Variants in F8 observed in about 807,000 individuals in gnomAD.
F8 encodes the protein antihemophilic factor.
In F8, 12 loss-of-function variants were observed where a neutral mutation model predicts 140.6. The ratio of observed to expected loss-of-function variants is 0.09; its 90% confidence interval spans 0.05 to 0.14. The LOEUF is 0.14. Ranked by LOEUF, F8 falls within the 10% of genes least tolerant of loss-of-function variation. The pLI is 1.00. For missense variants in F8, 1,354 were observed against 1,720.7 expected, an observed-to-expected ratio of 0.79 and a Z score of 3.77; for synonymous variants, 585 against 614.6, an observed-to-expected ratio of 0.95 and a Z score of 0.71.
chrX:154,929,602 A>G lies in F8; in HGVS notation c.4188T>C (p.Ser1396=). ...ATCTATTTGCTTGAGGGATGCTATG[A>G]CTCCTCGTAAGGCAATCTGATAAGG... The part of the protein sequence containing the change: ...QSPLSDCLTR[S]HSIPQANRSP... The change falls in exon 14 of 26, where the codon AGT becomes AGC. Residue 1396 remains serine (S), a synonymous_variant. Transcript: ENST00000360256. The G allele has an allele frequency of 8.3e-7, 1 of 1,209,978 alleles. No individual in the cohort carries two copies. Among genetic ancestry groups the G allele is most frequent in the African/African-American group, 1.7e-5 (1 of 57,388 alleles).
intron 25 of F8, among the ~76,000 whole-genome samples, chrX:154,857,274 G>T (rs1304372792): frequency 9.0e-5 from 10 of 111,667 alleles, no homozygotes; most frequent in African/African-American, 3.3e-4. Flanking sequence ...CATAAAGTTG[G>T]GTATGAACAA....
intron 9 of F8, 190 bp downstream of exon 9, chrX:154,965,780 G>A: frequency 2.3e-6 from 1 of 432,931 alleles, no homozygotes; most frequent in Middle Eastern, 6.4e-4. Flanking sequence ...AGTTTAGTGG[G>A]TGACATTAAA....
chrX:154,865,962 A>G (rs926040979), intron 22 of F8, among the ~76,000 whole-genome samples: 1 of 111,287 alleles, frequency 9.0e-6, no homozygotes, highest in East Asian at 2.8e-4. Context: ...GGAAGTAAGA[A>G]ACAAAAATAA....
chrX:154,928,559 A>G lies in F8; in HGVS notation c.5219+12T>C, dbSNP rs190152270. 1.4e-4 allele frequency: 170 copies of G among 1,173,935 alleles called. 1 individual carries two copies. The African/African-American group carries it at 2.9e-3, about 20-fold the overall frequency. On this transcript the variant is annotated intron_variant, in intron 14 of 25. Transcript: ENST00000360256. ...CAAGAGCAGAGCAAAGGAATAACCA[A>G]TGCATTCATACCTGTTTCTTAGAAC...
At chrX:154,848,050 G>A (rs1268000999) in intron 25 of F8, among the ~76,000 whole-genome samples, 5 of 112,468 alleles carry the variant, frequency 4.4e-5, no homozygotes, top group East Asian at 2.8e-4. Context: ...CTGGAGGTCC[G>A]CTCCAGACCC....
chrX:154,969,288 A>G, intron 7 of F8, 43 bp downstream of exon 7: 4 of 1,101,253 alleles, frequency 3.6e-6, no homozygotes, highest in Non-Finnish European at 5.0e-6. Context: ...TAAAAGTAGG[A>G]CTGGATATTT....
chrX:154,880,602 C>T (rs1351647433), intron 22 of F8, among the ~76,000 whole-genome samples: 1 of 112,212 alleles, frequency 8.9e-6, no homozygotes, highest in Non-Finnish European at 1.9e-5. Flanking sequence ...CTTGAGTCTT[C>T]GTATTTCTTA....
intron 6 of F8, among the ~76,000 whole-genome samples, chrX:154,983,474 G>C (rs1406057831): frequency 8.9e-6 from 1 of 111,887 alleles, no homozygotes; most frequent in Non-Finnish European, 1.9e-5. Context: ...GGTTACCATA[G>C]TCTGGGGTGG....
intron 1 of F8, among the ~76,000 whole-genome samples, chrX:155,007,752 A>G (rs782311238): frequency 8.9e-6 from 1 of 112,346 alleles, no homozygotes; most frequent in East Asian, 2.8e-4. Flanking sequence ...GCATGATCTG[A>G]GGCGGACAGT....
chrX:154,874,639 CAT>C (rs1428165836), intron 22 of F8, among the ~76,000 whole-genome samples: 1 of 112,156 alleles, frequency 8.9e-6, no homozygotes, highest in East Asian at 2.8e-4. Flanking sequence ...GTTTCCAACA[CAT>C]GTTTTTTGGG....
intron 14 of F8, among the ~76,000 whole-genome samples, chrX:154,913,482 C>T (rs782570039): frequency 3.6e-5 from 4 of 111,970 alleles, no homozygotes; most frequent in African/African-American, 1.3e-4. Flanking sequence ...TCCAAAGTCT[C>T]ATCTGAGACA....
rs781927234 is a variant in F8 at position 154,929,805 on chromosome X, G to A, written c.3985C>T (p.Arg1329Cys). The A allele has an allele frequency of 5.7e-5, 69 of 1,209,705 alleles. 1 individual carries two copies. Among genetic ancestry groups the A allele is most frequent in the Non-Finnish European group, 6.7e-5 (60 of 894,994 alleles). ...AATTGTTTCAAAGCTCTCTTACTAC[G>A]TTGCGTGACAAAATTCTGCTGGCTT... Reference protein sequence around the residue: ...NTSQQNFVTQRSKRALKQFRL... With the variant: ...NTSQQNFVTQCSKRALKQFRL... The change falls in exon 14 of 26, where the codon CGT becomes TGT. Residue 1329 changes from arginine to cysteine, a missense_variant. Physicochemically the swap from Arg to Cys is radical, Grantham distance 180. This residue lies in a region of F8 where 658 missense variants were observed against 666.5 expected (regional missense o/e 0.99). Transcript: ENST00000360256.
At chrX:154,856,042 C>T (rs2072649157) in intron 25 of F8, among the ~76,000 whole-genome samples, 1 of 111,972 alleles carries the variant, frequency 8.9e-6, no homozygotes, top group Admixed American at 9.5e-5. Flanking sequence ...TTAGGAAGGC[C>T]TCTAACAGTT....
At chrX:154,933,178 G>A (rs189731675) in intron 13 of F8, among the ~76,000 whole-genome samples, 122 of 111,525 alleles carry the variant, frequency 1.1e-3, no homozygotes, top group Middle Eastern at 4.7e-3. Flanking sequence ...AGAACTTAGA[G>A]TTGGTTGTTT....
chrX:154,891,779 A>G (rs1457185531), intron 22 of F8, among the ~76,000 whole-genome samples: 1 of 112,463 alleles, frequency 8.9e-6, no homozygotes, highest in Non-Finnish European at 1.9e-5. Flanking sequence ...CAACAGAGAT[A>G]TGATATCTGG....
chrX:154,994,701 G>A (rs1390671672), intron 3 of F8, among the ~76,000 whole-genome samples: 5 of 111,705 alleles, frequency 4.5e-5, no homozygotes, highest in African/African-American at 1.6e-4. Flanking sequence ...GATAATATCT[G>A]GCCATCCCAT....
rs1426886242 is a variant in F8 at position 154,837,157 on chromosome X, A to G, written c.*440T>C. ...TGAAACATGCTTTGTTCCATGCTTGATCAGGATAATAAACAACTGAGAGTT... is the reference window on the plus strand; with the variant it reads ...TGAAACATGCTTTGTTCCATGCTTGGTCAGGATAATAAACAACTGAGAGTT... On this transcript the variant is annotated 3_prime_UTR_variant, in exon 26 of 26. Transcript: ENST00000360256. The G allele has an allele frequency of 1.8e-5, 3 of 162,235 alleles. No individual in the cohort carries two copies. The highest frequency in any genetic ancestry group is 7.3e-5 in the Admixed American group (1 of 13,691). The allele number at this position is 162,235 out of a possible 1,213,427, so 13.4% of individuals were successfully genotyped here.
At chrX:154,981,338 A>G (rs7056252) in intron 6 of F8, among the ~76,000 whole-genome samples, 1,898 of 109,760 alleles carry the variant, frequency 0.017, 40 homozygotes, top group African/African-American at 0.061. Context: ...TTCTGTGAGG[A>G]GATTATTGCT....
chrX:154,919,577 C>T, intron 14 of F8: 1 of 771,357 alleles, frequency 1.3e-6, no homozygotes, highest in Non-Finnish European at 1.8e-6. Context: ...CAGAATCTCA[C>T]TTGGACCCTA....
Sources: gnomAD v4.1 joint callset for allele counts (sites outside exome capture counted in the v4.1 genomes callset) on GRCh38, gnomAD v4.1.1 for gene constraint, gnomAD v4.1.1 regional missense constraint, MANE v1.5 for transcripts, NCBI Gene and HGNC (gene_info 2026-07-23, HGNC 2026-07-21) for gene names.